The following ARHGAP24 variants were observed in gnomAD, a reference collection of about 807,000 sequenced individuals.
ARHGAP24 encodes Rho GTPase activating protein 24, also known as rho GTPase-activating protein 24.
A neutral mutation model predicts 76.4 loss-of-function variants in ARHGAP24; 50 were observed. The ratio of observed to expected loss-of-function variants is 0.65; its 90% CI spans 0.52 to 0.83. The LOEUF (loss-of-function observed/expected upper bound fraction) is 0.83. Among genes scored for constraint, ARHGAP24 ranks in the 40% least tolerant of loss-of-function variants. The pLI, the probability that ARHGAP24 is intolerant of heterozygous loss-of-function variation, is 0.00. For missense variants in ARHGAP24, 930 were observed against 914.2 expected, an observed-to-expected ratio of 1.02 and a Z score of -0.22; for synonymous variants, 345 against 323.3, an observed-to-expected ratio of 1.07 and a Z score of -0.72.
At chr4:85,871,792 G>A (rs1732539229) in intron 3 of ARHGAP24, among the ~76,000 whole-genome samples, 1 of 152,076 alleles carries the variant, frequency 6.6e-6, no homozygotes, top group Admixed American at 6.6e-5. Flanking sequence ...TCCTCTCAGG[G>A]ACAAAGCAGT....
intron 2 of ARHGAP24, among the ~76,000 whole-genome samples, chr4:85,634,996 C>T (rs1309290876): frequency 6.6e-6 from 1 of 151,876 alleles, no homozygotes; most frequent in Non-Finnish European, 1.5e-5. Context: ...TGGAGAACCC[C>T]ATCTGTACTT....
intron 2 of ARHGAP24, among the ~76,000 whole-genome samples, chr4:85,571,530 G>T (rs1727139442): frequency 6.6e-6 from 1 of 152,152 alleles, no homozygotes; most frequent in African/African-American, 2.4e-5. Flanking sequence ...AACCCTAACA[G>T]TATGTTCTTG....
chr4:85,629,065 G>A (rs970395830), intron 2 of ARHGAP24, among the ~76,000 whole-genome samples: 15 of 152,036 alleles, frequency 9.9e-5, no homozygotes, highest in Admixed American at 9.8e-4. Context: ...CCTTTGTGAT[G>A]TGATGATTCT....
chr4:85,867,904 TATATAC>T lies in ARHGAP24; in HGVS notation c.269-55738_269-55733del, dbSNP rs1227558016. Among the ~76,000 whole-genome samples, 14 of 45,412 alleles carry T rather than the reference TATATAC, an allele frequency of 3.1e-4. 1 individual carries two copies. The highest frequency in any genetic ancestry group is 0.02 in the East Asian group (2 of 100). The allele number at this position is 45,412 out of a possible 152,430, so 29.8% of individuals were successfully genotyped here. Reference sequence around the variant, plus strand: ...TATATAATGTGTGTGTGTACATATATATATACATATATGTACACACACACAAACCAA... The same window carrying T: ...TATATAATGTGTGTGTGTACATATATATATATGTACACACACACAAACCAA... On this transcript the variant is annotated intron_variant, in intron 3 of 9. Transcript: ENST00000395184.
chr4:85,766,851 T>C (rs965768144), intron 3 of ARHGAP24, among the ~76,000 whole-genome samples: 20 of 152,180 alleles, frequency 1.3e-4, no homozygotes, highest in Admixed American at 9.8e-4. Flanking sequence ...AATTTTAATA[T>C]TTAGCAAATA....
chr4:85,907,651 C>A (rs1265534708), intron 3 of ARHGAP24, among the ~76,000 whole-genome samples: 4 of 152,064 alleles, frequency 2.6e-5, no homozygotes, highest in African/African-American at 4.8e-5. Flanking sequence ...CCTAGAATGA[C>A]CTTGCTTATA....
intron 1 of ARHGAP24, among the ~76,000 whole-genome samples, chr4:85,566,260 C>T (rs1435965911): frequency 6.6e-6 from 1 of 152,180 alleles, no homozygotes; most frequent in African/African-American, 2.4e-5. Context: ...GGCCTGACTT[C>T]AGTGAAAGTA....
intron 2 of ARHGAP24, among the ~76,000 whole-genome samples, chr4:85,576,312 A>C (rs1310952717): frequency 3.3e-5 from 5 of 152,140 alleles, no homozygotes; most frequent in South Asian, 2.1e-4. Context: ...CGCCTGTAGT[A>C]CCACCTACTC....
intron 4 of ARHGAP24, among the ~76,000 whole-genome samples, chr4:85,939,575 C>G (rs939097112): frequency 2.6e-5 from 4 of 152,042 alleles, no homozygotes; most frequent in African/African-American, 9.7e-5. Flanking sequence ...AAGTTTCTCA[C>G]TATAGTTTTA....
intron 2 of ARHGAP24, among the ~76,000 whole-genome samples, chr4:85,581,940 C>T (rs1169726070): frequency 6.6e-6 from 1 of 152,020 alleles, no homozygotes; most frequent in African/African-American, 2.4e-5. Context: ...TGTACTTCCT[C>T]TATCAAATGA....
intron 3 of ARHGAP24, among the ~76,000 whole-genome samples, chr4:85,897,986 C>CATAT (rs112904597): frequency 1.4e-5 from 2 of 145,000 alleles, no homozygotes; most frequent in African/African-American, 5.1e-5. Flanking sequence ...CTAATACACA[C>CATAT]ATATATATAT....
chr4:85,917,693 G>C (rs1735502015), intron 3 of ARHGAP24, among the ~76,000 whole-genome samples: 1 of 151,870 alleles, frequency 6.6e-6, no homozygotes, highest in South Asian at 2.1e-4. Flanking sequence ...TGTGTTTTTT[G>C]GCTGCATAAA....
At chr4:85,815,146 G>A (rs903933963) in intron 3 of ARHGAP24, among the ~76,000 whole-genome samples, 7 of 152,084 alleles carry the variant, frequency 4.6e-5, no homozygotes, top group Non-Finnish European at 7.4e-5. Context: ...CCCAGCCCCC[G>A]AAACCATTTT....
At chr4:85,845,516 A>G (rs1730836365) in intron 3 of ARHGAP24, among the ~76,000 whole-genome samples, 1 of 152,224 alleles carries the variant, frequency 6.6e-6, no homozygotes, top group Non-Finnish European at 1.5e-5. Context: ...GTATTTGTTA[A>G]CATAATTTAG....
At chr4:85,877,762 A>G (rs947494918) in intron 3 of ARHGAP24, among the ~76,000 whole-genome samples, 3 of 152,182 alleles carry the variant, frequency 2.0e-5, no homozygotes, top group Non-Finnish European at 2.9e-5. Flanking sequence ...TAAACTGTTT[A>G]AGAAAACTTA....
chr4:85,594,864 A>C (rs1728252665), intron 2 of ARHGAP24, among the ~76,000 whole-genome samples: 2 of 152,132 alleles, frequency 1.3e-5, no homozygotes, highest in Admixed American at 6.6e-5. Flanking sequence ...GAGACTAGAC[A>C]AAACCCAATT....
intron 3 of ARHGAP24, among the ~76,000 whole-genome samples, chr4:85,905,047 T>C (rs1262204242): frequency 6.6e-6 from 1 of 151,692 alleles, no homozygotes; most frequent in Non-Finnish European, 1.5e-5. Context: ...TGGTATTTAA[T>C]TTAATTTAAT....
intron 2 of ARHGAP24, among the ~76,000 whole-genome samples, chr4:85,573,036 C>G (rs1459192715): frequency 6.6e-6 from 1 of 151,694 alleles, no homozygotes; most frequent in South Asian, 2.1e-4. Flanking sequence ...GCCACCACAC[C>G]CGGCTAATTT....
chr4:85,663,311 T>C (rs1003230850), intron 2 of ARHGAP24, among the ~76,000 whole-genome samples: 5 of 119,572 alleles, frequency 4.2e-5, no homozygotes, highest in Admixed American at 1.6e-4. Context: ...ATGATTTGGC[T>C]CTCTGTTTGT....
Sources: gnomAD v4.1 joint callset for allele counts (sites outside exome capture counted in the v4.1 genomes callset) on GRCh38, gnomAD v4.1.1 for gene constraint, MANE v1.5 for transcripts, NCBI Gene and HGNC (gene_info 2026-07-23, HGNC 2026-07-21) for gene names.